TMEM132D: variants seen among roughly 807,000 people sequenced by gnomAD.
TMEM132D encodes the protein transmembrane protein 132D, also known as mature OL transmembrane protein.
A neutral mutation model predicts 62.3 loss-of-function variants in TMEM132D; 21 were observed. That is an observed-to-expected ratio of 0.34 (90% confidence interval 0.24 to 0.49). The LOEUF (loss-of-function observed/expected upper bound fraction) is 0.49. TMEM132D is among the 20% of genes least tolerant of loss of function. The probability of loss-of-function intolerance (pLI) is 0.99; values close to 1 mark genes in which losing one functional copy is unlikely to be tolerated. For missense variants in TMEM132D, 1,346 were observed against 1,402.8 expected, an observed-to-expected ratio of 0.96 and a Z score of 0.65; for synonymous variants, 621 against 575.6, an observed-to-expected ratio of 1.08 and a Z score of -1.13.
intron 2 of TMEM132D, 32 bp downstream of exon 2, chr12:129,699,778 C>G: frequency 6.2e-7 from 1 of 1,604,124 alleles, no homozygotes; most frequent in Non-Finnish European, 8.5e-7. Flanking sequence ...GATCGACGGG[C>G]GGGTACAGAC....
intron 5 of TMEM132D, among the ~76,000 whole-genome samples, chr12:129,185,253 T>A (rs1313411841): frequency 1.3e-5 from 2 of 151,854 alleles, no homozygotes; most frequent in Non-Finnish European, 2.9e-5. Context: ...CCAAAACACA[T>A]CTCTAAGCTT....
chr12:129,610,414 A>G (rs1878741735), intron 2 of TMEM132D, among the ~76,000 whole-genome samples: 1 of 152,214 alleles, frequency 6.6e-6, no homozygotes, highest in African/African-American at 2.4e-5. Flanking sequence ...TTCAACAACT[A>G]TATTCCCTAA....
At chr12:129,664,050 G>A (rs1880311487) in intron 2 of TMEM132D, among the ~76,000 whole-genome samples, 1 of 152,178 alleles carries the variant, frequency 6.6e-6, no homozygotes, top group South Asian at 2.1e-4. Context: ...CGTTTTTGGT[G>A]AAGGAAATTA....
At chr12:129,775,342 A>G (rs1355992865) in intron 1 of TMEM132D, among the ~76,000 whole-genome samples, 1 of 152,174 alleles carries the variant, frequency 6.6e-6, no homozygotes, top group Non-Finnish European at 1.5e-5. Flanking sequence ...CCAGCTGCAG[A>G]TGACAAGCAG....
At chr12:129,255,565 G>C (rs1459638124) in intron 4 of TMEM132D, among the ~76,000 whole-genome samples, 4 of 152,156 alleles carry the variant, frequency 2.6e-5, no homozygotes, top group African/African-American at 9.7e-5. Flanking sequence ...ATGCAATTAT[G>C]TTCTAAAACT....
chr12:129,135,168 C>T (rs911610633), intron 5 of TMEM132D, among the ~76,000 whole-genome samples: 4 of 152,180 alleles, frequency 2.6e-5, no homozygotes, highest in Non-Finnish European at 5.9e-5. Flanking sequence ...ACCACTGAGG[C>T]ATCTGGAGTT....
At chr12:129,432,441 T>C (rs1314012910) in intron 3 of TMEM132D, among the ~76,000 whole-genome samples, 3 of 152,238 alleles carry the variant, frequency 2.0e-5, no homozygotes, top group Non-Finnish European at 2.9e-5. Context: ...TTTTGTTCAA[T>C]GCTGCATCTA....
chr12:129,658,020 G>A (rs1197453155), intron 2 of TMEM132D, among the ~76,000 whole-genome samples: 1 of 152,182 alleles, frequency 6.6e-6, no homozygotes, highest in Non-Finnish European at 1.5e-5. Context: ...TGGGACAGAT[G>A]AGCATTGAAA....
chr12:129,490,345 C>A (rs766137934), intron 3 of TMEM132D, among the ~76,000 whole-genome samples: 3 of 151,556 alleles, frequency 2.0e-5, no homozygotes, highest in African/African-American at 7.3e-5. Context: ...AAACTGATAA[C>A]CCACAGGTAT....
chr12:129,535,175 C>A (rs185114106), intron 2 of TMEM132D, among the ~76,000 whole-genome samples: 1 of 152,312 alleles, frequency 6.6e-6, no homozygotes, highest in Admixed American at 6.5e-5. Flanking sequence ...TGCTCATGAC[C>A]ATCCCAGCCA....
At chr12:129,184,163 G>C (rs989417354) in intron 5 of TMEM132D, among the ~76,000 whole-genome samples, 1 of 152,190 alleles carries the variant, frequency 6.6e-6, no homozygotes, top group African/African-American at 2.4e-5. Context: ...TGCAGTTTCC[G>C]TTAAGACAAC....
chr12:129,197,171 C>G (rs1878572302), intron 5 of TMEM132D, among the ~76,000 whole-genome samples: 1 of 152,166 alleles, frequency 6.6e-6, no homozygotes, highest in Non-Finnish European at 1.5e-5. Flanking sequence ...GGCAATGAAA[C>G]TTTCTTTATG....
chr12:129,201,460 G>A (rs1321236935), intron 5 of TMEM132D, among the ~76,000 whole-genome samples: 1 of 152,144 alleles, frequency 6.6e-6, no homozygotes, highest in Non-Finnish European at 1.5e-5. Context: ...GGTTGGCCCT[G>A]GGGGACCCTA....
At chr12:129,549,901 A>G (rs1876845996) in intron 2 of TMEM132D, among the ~76,000 whole-genome samples, 1 of 152,162 alleles carries the variant, frequency 6.6e-6, no homozygotes, top group African/African-American at 2.4e-5. Flanking sequence ...CAAGTCTGTA[A>G]TGTGTGAGGG....
rs138285570 is a variant in TMEM132D at position 129,300,913 on chromosome 12, C to T, written c.1299+36721G>A. ...CCTCCAATCTGGTGCTTCACTTCAA[C>T]CTTTCCTTTATCCTCACACTCCCTA... On this transcript the variant is annotated intron_variant, in intron 4 of 8. Transcript: ENST00000422113. Among the ~76,000 whole-genome samples, 590 of 152,316 alleles carry T rather than the reference C, an allele frequency of 3.9e-3. 2 individuals carry two copies. Among genetic ancestry groups the T allele is most frequent in the African/African-American group, 0.013 (547 of 41,574 alleles).
intron 2 of TMEM132D, among the ~76,000 whole-genome samples, chr12:129,578,052 T>A (rs542287492): frequency 6.6e-6 from 1 of 152,216 alleles, no homozygotes; most frequent in Non-Finnish European, 1.5e-5. Flanking sequence ...TCTCTCTCTC[T>A]CTCTTCTTGA....
intron 2 of TMEM132D, among the ~76,000 whole-genome samples, chr12:129,634,453 G>A (rs1879428071): frequency 7.4e-6 from 1 of 134,752 alleles, no homozygotes. Context: ...AAGCCTATGT[G>A]AAAGAGTGAA....
intron 1 of TMEM132D, among the ~76,000 whole-genome samples, chr12:129,761,322 G>A (rs993599316): frequency 5.9e-5 from 9 of 151,888 alleles, no homozygotes; most frequent in Admixed American, 2.6e-4. Flanking sequence ...CACTTCTGGA[G>A]GCGGGTGCAG....
intron 2 of TMEM132D, among the ~76,000 whole-genome samples, chr12:129,609,036 G>A (rs1442179938): frequency 5.9e-5 from 9 of 151,810 alleles, no homozygotes; most frequent in Non-Finnish European, 5.9e-5. Context: ...TACCTCCTGG[G>A]TTCCAGCGAT....
Sources: allele counts gnomAD v4.1 joint callset (sites outside exome capture counted in the v4.1 genomes callset), GRCh38; gene constraint gnomAD v4.1.1; transcripts MANE v1.5; gene names NCBI Gene and HGNC (gene_info 2026-07-23, HGNC 2026-07-21).